BLM: variants seen among roughly 807,000 people sequenced by gnomAD.
BLM encodes recQ-like DNA helicase BLM.
A neutral mutation model predicts 135.3 loss-of-function variants in BLM; 95 were observed. That is an observed-to-expected ratio of 0.70 (90% CI 0.59 to 0.83). The LOEUF is 0.83. BLM is among the 40% of genes least tolerant of loss of function. The pLI is 0.00. For missense variants in BLM, 1,518 were observed against 1,663.9 expected, an observed-to-expected ratio of 0.91 and a Z score of 1.53; for synonymous variants, 520 against 589.2, an observed-to-expected ratio of 0.88 and a Z score of 1.70.
intron 2 of BLM, among the ~76,000 whole-genome samples, chr15:90,747,999 G>A (rs57993389): frequency 0.073 from 10,971 of 150,902 alleles, 725 homozygotes; most frequent in African/African-American, 0.18. Flanking sequence ...TTTTAGAGAC[G>A]GTTTCACCTT....
intron 3 of BLM, 76 bp downstream of exon 3, chr15:90,750,143 T>G: frequency 9.5e-6 from 14 of 1,466,130 alleles, no homozygotes; most frequent in Non-Finnish European, 1.3e-5. Flanking sequence ...GGAATAGTCA[T>G]GAATATATAG....
At chr15:90,752,626 C>T (rs28384997) in intron 4 of BLM, among the ~76,000 whole-genome samples, 1 of 152,104 alleles carries the variant, frequency 6.6e-6, no homozygotes, top group East Asian at 1.9e-4. Context: ...TAGAATTGGC[C>T]ATTGTATTTG....
chr15:90,802,572 C>T (rs941314210), intron 17 of BLM, among the ~76,000 whole-genome samples: 1 of 152,124 alleles, frequency 6.6e-6, no homozygotes, highest in African/African-American at 2.4e-5. Flanking sequence ...AAAGAATAGA[C>T]TTAAATACTT....
chr15:90,738,367 A>G (rs1206629836), intron 1 of BLM, among the ~76,000 whole-genome samples: 1 of 152,190 alleles, frequency 6.6e-6, no homozygotes, highest in Non-Finnish European at 1.5e-5. Flanking sequence ...TGAGCCTAGG[A>G]GTTGGAGACC....
intron 17 of BLM, among the ~76,000 whole-genome samples, chr15:90,800,382 C>T (rs1172051096): frequency 6.6e-6 from 1 of 152,162 alleles, no homozygotes; most frequent in East Asian, 1.9e-4. Flanking sequence ...TCTATGCAGA[C>T]TAACAAAAGT....
At chr15:90,722,105 T>TGA (rs1894783926) in intron 1 of BLM, among the ~76,000 whole-genome samples, 1 of 150,616 alleles carries the variant, frequency 6.6e-6, no homozygotes, top group Non-Finnish European at 1.5e-5. Flanking sequence ...GCCAACAGGG[T>TGA]GAAACCCCAT....
chr15:90,761,705 A>G lies in BLM; in HGVS notation c.1882+450A>G, dbSNP rs1303177548. Among the ~76,000 whole-genome samples the G allele has an allele frequency of 3.9e-5, 6 of 152,236 alleles. 1 individual carries two copies. The highest frequency in any genetic ancestry group is 2.1e-4 in the South Asian group (1 of 4,828). ...AAAATGTTAAAATATAGGGTAGTCT[A>G]TAAAGGATATGAAGTCAGGAGTGTC... On this transcript the variant is annotated intron_variant, in intron 7 of 21. Coordinates refer to ENST00000355112, the MANE Select transcript of BLM (RefSeq NM_000057.4).
chr15:90,790,800 T>C lies in BLM; in HGVS notation c.2975T>C (p.Phe992Ser), dbSNP rs371418699. Residue 992 changes from phenylalanine (F) to serine (S), a missense_variant, in exon 15 of 22, where the codon TTC (phenylalanine) becomes TCC (serine). By Grantham distance (155) the Phe-to-Ser change is radical. Transcript: ENST00000355112. ...RDGEISHCLL[F>S]YTYHDVTRLK... ...GGGGAAATATCTCACTGCCTGCTTT[T>C]CTATACCTATCATGATGTGACCAGA... The C allele has an allele frequency of 1.9e-6, 3 of 1,614,092 alleles. No homozygotes were observed. The African/African-American group carries it at 4.0e-5, about 22-fold the overall frequency.
chr15:90,774,047 G>T (rs1483109760), intron 12 of BLM, among the ~76,000 whole-genome samples: 3 of 128,744 alleles, frequency 2.3e-5, no homozygotes, highest in East Asian at 2.6e-4. Context: ...TACTAAACTA[G>T]TTTTCAAAGT....
intron 1 of BLM, among the ~76,000 whole-genome samples, chr15:90,730,052 C>T (rs1014305667): frequency 5.3e-5 from 8 of 152,046 alleles, no homozygotes; most frequent in Non-Finnish European, 1.0e-4. Flanking sequence ...GACAGGGTTT[C>T]ACTATGTTGG....
At chr15:90,787,781 C>G (rs901383793) in intron 14 of BLM, among the ~76,000 whole-genome samples, 2 of 151,980 alleles carry the variant, frequency 1.3e-5, no homozygotes, top group Non-Finnish European at 2.9e-5. Flanking sequence ...GAAACCCTGT[C>G]TCTACTAAAA....
At chr15:90,731,477 A>G (rs936471889) in intron 1 of BLM, among the ~76,000 whole-genome samples, 4 of 151,516 alleles carry the variant, frequency 2.6e-5, no homozygotes, top group African/African-American at 7.3e-5. Context: ...GCTTAGAAGA[A>G]CTCACCTGCG....
chr15:90,795,478 CAA>C (rs536449790), intron 16 of BLM, among the ~76,000 whole-genome samples: 1 of 141,346 alleles, frequency 7.1e-6, no homozygotes, highest in Admixed American at 7.1e-5. Flanking sequence ...GAAACTCCAT[CAA>C]AAAAAAAAAA....
chr15:90,742,693 G>A (rs1895397984), intron 1 of BLM, among the ~76,000 whole-genome samples: 1 of 151,566 alleles, frequency 6.6e-6, no homozygotes, highest in Non-Finnish European at 1.5e-5. Context: ...GGAGTGCAGT[G>A]GGGTGATCAT....
chr15:90,790,320 G>A (rs1896872503), intron 14 of BLM: 1 of 369,382 alleles, frequency 2.7e-6, no homozygotes, highest in Non-Finnish European at 5.2e-6. Context: ...CCACACCTCA[G>A]TAGCAAAAAC....
intron 1 of BLM, among the ~76,000 whole-genome samples, chr15:90,730,190 A>G (rs1052195733): frequency 2.0e-4 from 30 of 152,144 alleles, no homozygotes; most frequent in African/African-American, 7.2e-4. Context: ...ATTCTTTTAG[A>G]TGTTCCACAC....
chr15:90,803,789 T>C (rs1212535213), intron 18 of BLM, 69 bp downstream of exon 18: 3 of 1,472,286 alleles, frequency 2.0e-6, no homozygotes, highest in Non-Finnish European at 2.8e-6. Context: ...TTGTGAAGTA[T>C]AGTGTCTTTG....
chr15:90,727,243 G>A (rs920478363), intron 1 of BLM, among the ~76,000 whole-genome samples: 1 of 152,048 alleles, frequency 6.6e-6, no homozygotes, highest in African/African-American at 2.4e-5. Context: ...TGAACTCCTA[G>A]CCTCAAGCAA....
intron 1 of BLM, among the ~76,000 whole-genome samples, chr15:90,718,013 CTG>C (rs1380580602): frequency 1.3e-5 from 2 of 152,206 alleles, no homozygotes; most frequent in Non-Finnish European, 2.9e-5. Context: ...ACATTTAGCT[CTG>C]TGTCTACTGC....
Sources: gnomAD v4.1 joint callset for allele counts (sites outside exome capture counted in the v4.1 genomes callset) on GRCh38, gnomAD v4.1.1 for gene constraint, MANE v1.5 for transcripts, NCBI Gene and HGNC (gene_info 2026-07-23, HGNC 2026-07-21) for gene names.